The following UBR3 variants were observed in gnomAD, a reference collection of about 807,000 sequenced individuals.
UBR3 encodes the protein E3 ubiquitin-protein ligase UBR3.
UBR3 carries 85 observed loss-of-function variants against 243.2 expected under a neutral mutation model. The observed-to-expected ratio is 0.35, with a 90% CI of 0.29 to 0.42. The LOEUF (loss-of-function observed/expected upper bound fraction) is 0.42, where lower values mean the gene tolerates loss of function less well. Among genes scored for constraint, UBR3 ranks in the 10% least tolerant of loss-of-function variants. The probability of loss-of-function intolerance (pLI) is 1.00; values close to 1 mark genes in which losing one functional copy is unlikely to be tolerated. For missense variants in UBR3, 1,686 were observed against 2,300.8 expected (o/e 0.73, Z 5.47); for synonymous variants, 748 against 799.8 (o/e 0.94, Z 1.09).
At chr2:169,854,052 G>A (rs2082755186) in intron 1 of UBR3, among the ~76,000 whole-genome samples, 1 of 151,896 alleles carries the variant, frequency 6.6e-6, no homozygotes, top group African/African-American at 2.4e-5. Context: ...AGAGCATTAG[G>A]ACAAATACCT....
chr2:169,866,585 ACTC>A (rs1302774615), intron 1 of UBR3, among the ~76,000 whole-genome samples: 1 of 151,424 alleles, frequency 6.6e-6, no homozygotes, highest in Non-Finnish European at 1.5e-5. Flanking sequence ...CTGGTCTTGA[ACTC>A]CTGATCTCAA....
chr2:169,875,524 A>G (rs865917305), intron 2 of UBR3, among the ~76,000 whole-genome samples: 3 of 152,058 alleles, frequency 2.0e-5, no homozygotes, highest in Non-Finnish European at 2.9e-5. Flanking sequence ...TTCTTACACA[A>G]ATTAAGTGCT....
chr2:169,876,185 G>C (rs186183377), intron 3 of UBR3, among the ~76,000 whole-genome samples: 1 of 150,190 alleles, frequency 6.7e-6, no homozygotes, highest in South Asian at 2.1e-4. Context: ...CTGGGTTCAC[G>C]CCATTCTGCC....
At chr2:169,933,118 T>C (rs2086200891) in intron 19 of UBR3, 110 bp downstream of exon 19, 1 of 694,780 alleles carries the variant, frequency 1.4e-6, no homozygotes, top group African/African-American at 1.9e-5. Flanking sequence ...CTTTCATTCT[T>C]TAAAGGTGAA....
At chr2:169,912,514 A>G (rs1302367274) in intron 10 of UBR3, among the ~76,000 whole-genome samples, 2 of 152,190 alleles carry the variant, frequency 1.3e-5, no homozygotes, top group African/African-American at 4.8e-5. Context: ...TTCAAGGTTC[A>G]GCTGTGTTGT....
intron 8 of UBR3, among the ~76,000 whole-genome samples, chr2:169,904,692 A>C (rs1574165150): frequency 6.6e-6 from 1 of 152,298 alleles, no homozygotes; most frequent in Admixed American, 6.5e-5. Flanking sequence ...GAAATCATAC[A>C]GATTTGGTTG....
intron 30 of UBR3, among the ~76,000 whole-genome samples, chr2:170,022,729 T>C (rs1348188367): frequency 1.3e-5 from 2 of 152,148 alleles, no homozygotes; most frequent in Non-Finnish European, 2.9e-5. Flanking sequence ...TTATTAAACT[T>C]GTCTTTTAAC....
At chr2:169,978,959 G>C (rs2088594486) in intron 24 of UBR3, among the ~76,000 whole-genome samples, 1 of 152,110 alleles carries the variant, frequency 6.6e-6, no homozygotes, top group South Asian at 2.1e-4. Flanking sequence ...GTATTGTACT[G>C]TTAAGAGAAT....
At chr2:169,878,616 G>A in intron 5 of UBR3, 42 bp downstream of exon 5, 1 of 1,515,002 alleles carries the variant, frequency 6.6e-7, no homozygotes, top group Non-Finnish European at 8.9e-7. Context: ...GTACAATTTT[G>A]TGCTTTTTTA....
At chr2:169,836,039 CTCTCTATATATATATA>C (rs1432535744) in intron 1 of UBR3, among the ~76,000 whole-genome samples, 16 of 9,948 alleles carry the variant, frequency 1.6e-3, no homozygotes, top group Admixed American at 2.3e-3. Context: ...CTCTCTCTCT[CTCTCTATATATATATA>C]TATATATATA....
intron 23 of UBR3, among the ~76,000 whole-genome samples, chr2:169,950,301 G>A (rs13031005): frequency 0.47 from 70,885 of 151,784 alleles, 18,482 homozygotes; most frequent in Non-Finnish European, 0.6. Flanking sequence ...TTAAACCTGT[G>A]TGTCTCTTTG....
Position 169,927,325 on chromosome 2 carries a change from T to G in UBR3, c.2344T>G (p.Ser782Ala). Residue 782 changes from serine (S) to alanine (A), a missense_variant, in exon 17 of 39, where the codon TCT becomes GCT. By Grantham distance (99) the Ser-to-Ala change is moderately conservative. Coordinates refer to ENST00000272793, the MANE Select transcript of UBR3 (RefSeq NM_172070.4). ...LLSLRLHLGM[S>A]DDEILRAEMV... ...TCCGTTTTTAATAATTTTAGGAATG[T>G]CTGATGATGAGATTCTCAGGGCCGA... 1 of 1,549,312 alleles carries G rather than the reference T, an allele frequency of 6.5e-7. No homozygotes were observed. The highest frequency in any genetic ancestry group is 8.7e-7 in the Non-Finnish European group (1 of 1,146,180).
At chr2:169,839,662 A>C (rs1397420330) in intron 1 of UBR3, among the ~76,000 whole-genome samples, 1 of 152,174 alleles carries the variant, frequency 6.6e-6, no homozygotes, top group African/African-American at 2.4e-5. Context: ...TATGCATCAA[A>C]TAAAACACAC....
chr2:169,862,887 G>A (rs911502769), intron 1 of UBR3, among the ~76,000 whole-genome samples: 1 of 152,084 alleles, frequency 6.6e-6, no homozygotes, highest in Non-Finnish European at 1.5e-5. Context: ...TGGGGCGGGG[G>A]TATGACTCTC....
intron 1 of UBR3, among the ~76,000 whole-genome samples, chr2:169,829,698 A>G (rs1362021121): frequency 6.6e-6 from 1 of 152,190 alleles, no homozygotes. Flanking sequence ...TGCTGGGATT[A>G]CAGGCGTGAG....
intron 11 of UBR3, among the ~76,000 whole-genome samples, chr2:169,923,384 G>A (rs1055776501): frequency 6.6e-6 from 1 of 152,134 alleles, no homozygotes; most frequent in African/African-American, 2.4e-5. Flanking sequence ...AGTTAGTTAA[G>A]TTTTCTAAGT....
chr2:170,052,248 C>T (rs1321631636), intron 32 of UBR3, among the ~76,000 whole-genome samples: 1 of 152,104 alleles, frequency 6.6e-6, no homozygotes, highest in African/African-American at 2.4e-5. Flanking sequence ...ATTGTTGACT[C>T]ATTGTTTTTC....
chr2:169,875,754 T>G (rs1248474140), intron 2 of UBR3, 37 bp from the exon 3 acceptor site: 15 of 1,471,184 alleles, frequency 1.0e-5, no homozygotes, highest in South Asian at 4.3e-5. Context: ...TTAAACAAAA[T>G]TACCCTTATT....
chr2:169,927,886 G>T (rs1263157467), intron 17 of UBR3, among the ~76,000 whole-genome samples: 1 of 152,272 alleles, frequency 6.6e-6, no homozygotes, highest in East Asian at 1.9e-4. Context: ...TACAAACAGG[G>T]AACCTGTGGT....
Sources: allele counts gnomAD v4.1 joint callset (sites outside exome capture counted in the v4.1 genomes callset), GRCh38; gene constraint gnomAD v4.1.1; transcripts MANE v1.5; gene names NCBI Gene and HGNC (gene_info 2026-07-23, HGNC 2026-07-21).